EVC: variants seen among roughly 807,000 people sequenced by gnomAD.
EVC encodes the protein EvC ciliary complex subunit 1, also known as evC complex member EVC.
A neutral mutation model predicts 118.9 loss-of-function variants in EVC; 116 were observed. The observed-to-expected ratio is 0.98, with a 90% CI of 0.84 to 1.14. The LOEUF is 1.14. EVC is among the 50% of genes most tolerant of loss of function. The probability of loss-of-function intolerance (pLI) is 0.00; values close to 1 mark genes in which losing one functional copy is unlikely to be tolerated. For synonymous variants in EVC, 619 were observed against 534.7 expected (o/e 1.16, Z -2.18); for missense variants, 1,401 against 1,246.4 (o/e 1.12, Z -1.87).
chr4:5,778,577 C>A (rs1735082226), intron 11 of EVC, among the ~76,000 whole-genome samples: 1 of 152,172 alleles, frequency 6.6e-6, no homozygotes, highest in Admixed American at 6.5e-5. Context: ...ATTTGCATTT[C>A]TCTGATGGCC....
rs1030815803 is a variant in EVC at position 5,801,734 on chromosome 4, A to T, written c.2305-216A>T. 2.2e-5 allele frequency: 12 copies of T among 548,174 alleles called. No homozygotes were observed. The African/African-American group carries it at 2.3e-4, about 10-fold the overall frequency. 34.0% of individuals were successfully genotyped at this position (548,174 alleles called of 1,614,324 possible). A position where few individuals can be genotyped will look rare whatever the true frequency, so the allele number is the denominator to read the frequency against. On this transcript the variant is annotated intron_variant, in intron 15 of 20. Transcript: ENST00000264956. ...CTTAGCCGACTTTCCCTAACATCGC[A>T]TTTCATTGGCTCTAGACATCCCTGA...
intron 5 of EVC, among the ~76,000 whole-genome samples, chr4:5,734,827 T>C (rs1262686018): frequency 6.6e-6 from 1 of 152,148 alleles, no homozygotes; most frequent in Non-Finnish European, 1.5e-5. Flanking sequence ...CCCAGCCCCA[T>C]GGAGGTCCCT....
At chr4:5,767,739 A>T (rs200940233) in intron 11 of EVC, among the ~76,000 whole-genome samples, 2 of 151,996 alleles carry the variant, frequency 1.3e-5, no homozygotes, top group African/African-American at 4.8e-5. Flanking sequence ...AAGTGAGGCA[A>T]TGCCTCGCCC....
intron 13 of EVC, among the ~76,000 whole-genome samples, chr4:5,794,299 TTATATTTTTATATATTTATA>T (rs1239348151): frequency 2.9e-4 from 36 of 123,462 alleles, no homozygotes; most frequent in African/African-American, 1.2e-3. Flanking sequence ...TTTTATATAT[TTATATTTTTATATATTTATA>T]TATATTTATA....
chr4:5,787,165 A>T (rs1711817597), intron 12 of EVC, among the ~76,000 whole-genome samples: 1 of 152,216 alleles, frequency 6.6e-6, no homozygotes, highest in South Asian at 2.1e-4. Context: ...AGGTTGTAGA[A>T]TGGTGTTTCT....
chr4:5,797,478 T>C, intron 14 of EVC: 4 of 581,962 alleles, frequency 6.9e-6, no homozygotes, highest in Non-Finnish European at 1.2e-5. Flanking sequence ...GCCGCTTTGA[T>C]TCTGAGACCG....
At chr4:5,729,197 C>G (rs1348417099) in intron 2 of EVC, 110 bp from the exon 3 acceptor site, 4 of 954,350 alleles carry the variant, frequency 4.2e-6, no homozygotes, top group Non-Finnish European at 6.9e-6. Context: ...TATCATGGTC[C>G]CTTTCTGAGG....
chr4:5,727,894 A>G (rs377740397), intron 2 of EVC, among the ~76,000 whole-genome samples: 7 of 145,618 alleles, frequency 4.8e-5, no homozygotes, highest in African/African-American at 7.7e-5. Context: ...GATATGCGGC[A>G]TTATTTCTGA....
In EVC at chr4:5,812,410, G is replaced by A. The variant is rs1717072566; in HGVS notation, c.*1373G>A. ...CAGCCAGGAGAGGCCTTTCCCGCCT[G>A]GAGAGAAGCTTCAGGCCAGCTCCTC... is the stretch of plus-strand genomic sequence containing the variant. On this transcript the variant is annotated 3_prime_UTR_variant, in exon 21 of 21. Coordinates refer to ENST00000264956, the MANE Select transcript of EVC (RefSeq NM_153717.3). 1.2e-5 allele frequency: 2 copies of A among 172,032 alleles called. No homozygotes were observed. The highest frequency in any genetic ancestry group is 2.4e-5 in the African/African-American group (1 of 41,372). 10.7% of individuals were successfully genotyped at this position (172,032 alleles called of 1,614,324 possible).
At chr4:5,741,616 A>G (rs1229980214) in intron 5 of EVC, 100 bp from the exon 6 acceptor site, 22 of 687,664 alleles carry the variant, frequency 3.2e-5, no homozygotes, top group Non-Finnish European at 5.0e-5. Flanking sequence ...AGAAGGAGAG[A>G]GGCAGTGGGG....
rs1419409982 is a variant in EVC, at chr4:5,789,280, G to A, written c.1777-4328G>A. 6.6e-6 allele frequency among the ~76,000 whole-genome samples: 1 copy of A among 152,100 alleles called. No homozygotes were observed. The highest frequency in any genetic ancestry group is 6.5e-5 in the Admixed American group (1 of 15,268). On this transcript the variant is annotated intron_variant, in intron 12 of 20. Transcript: ENST00000264956. The surrounding 1 kb of genome is among the most constrained non-coding windows in gnomAD (Gnocchi z 4.3). ...GCAAAGCCCACCATGTCAGGCCCTG[G>A]CTGCCCTCTGACCGCAACTGCATGC...
At chr4:5,826,008 C>T in the EVC span, 439 of 318,172 alleles carry the variant, frequency 1.4e-3, 3 homozygotes, top group Non-Finnish European at 2.1e-3. Context: ...CGCGTGAACA[C>T]GCACACACAC....
rs369210755 is a variant in EVC, at chr4:5,730,157, A to G, written c.384+767A>G. Among the ~76,000 whole-genome samples, 7 of 152,070 alleles carry G rather than the reference A, an allele frequency of 4.6e-5. No individual in the cohort carries two copies. In the South Asian group the frequency reaches 6.2e-4, roughly 14 times the overall value. On this transcript the variant is annotated intron_variant, in intron 3 of 20. Transcript: ENST00000264956. The stretch of plus-strand genomic sequence containing the variant: ...CTGCCTCAGTCTGTTTATCTGTCAA[A>G]TGGGGATGATGGTGCTCCTGCCTCG...
intron 11 of EVC, among the ~76,000 whole-genome samples, chr4:5,781,013 C>A (rs573648770): frequency 6.6e-6 from 1 of 152,240 alleles, no homozygotes; most frequent in Non-Finnish European, 1.5e-5. Flanking sequence ...GCTTAGAGTC[C>A]AGGGATTCTG....
Position 5,798,939 on chromosome 4 carries a change from T to C in EVC, c.2304+147T>C. 1.1e-6 allele frequency: 1 copy of C among 901,216 alleles called. No homozygotes were observed. The highest frequency in any genetic ancestry group is 1.8e-6 in the Non-Finnish European group (1 of 556,530). 55.8% of individuals were successfully genotyped at this position (901,216 alleles called of 1,614,324 possible). The stretch of plus-strand genomic sequence containing the variant: ...ACTTCTCCATGACTTGATTTTCTCA[T>C]CTGTAAGGTGGGATCTTCTCCCTCG... On this transcript the variant is annotated intron_variant, in intron 15 of 20. Transcript: ENST00000264956. The surrounding 1 kb of genome is among the most constrained non-coding windows in gnomAD (Gnocchi z 4.1).
intron 12 of EVC, among the ~76,000 whole-genome samples, chr4:5,786,643 A>G (rs6815933): frequency 0.17 from 25,156 of 152,106 alleles, 2,204 homozygotes; most frequent in South Asian, 0.29. Flanking sequence ...GGAGGCCAAG[A>G]CGGGCGGATC....
Position 5,810,465 on chromosome 4 carries a change from C to T in EVC, c.2894+15C>T, listed in dbSNP as rs529282964. ...GGCTCACTCAGGTATGACTGGGCCCCGGACCTGTTGCCTGTGGCTGGGTTT... is the reference window on the plus strand; with the variant it reads ...GGCTCACTCAGGTATGACTGGGCCCTGGACCTGTTGCCTGTGGCTGGGTTT... On this transcript the variant is annotated intron_variant, in intron 20 of 20. Coordinates refer to ENST00000264956, the MANE Select transcript of EVC (RefSeq NM_153717.3). 3.0e-5 allele frequency: 48 copies of T among 1,594,080 alleles called. No individual in the cohort carries two copies. Among genetic ancestry groups the T allele is most frequent in the East Asian group, 2.3e-4 (10 of 44,390 alleles).
the EVC span, among the ~76,000 whole-genome samples, chr4:5,824,106 A>G: frequency 6.6e-6 from 1 of 152,166 alleles, no homozygotes. Flanking sequence ...TTCTTGTTCT[A>G]AGAACAACGG....
intron 11 of EVC, among the ~76,000 whole-genome samples, chr4:5,772,259 A>G (rs1196950762): frequency 1.3e-5 from 2 of 152,058 alleles, no homozygotes; most frequent in Non-Finnish European, 2.9e-5. Flanking sequence ...CAGAAGTACA[A>G]CTCACAGTGC....
Sources: allele counts gnomAD v4.1 joint callset (sites outside exome capture counted in the v4.1 genomes callset), GRCh38; gene constraint gnomAD v4.1.1; non-coding constraint Gnocchi (gnomAD v3.1); transcripts MANE v1.5; gene names NCBI Gene and HGNC (gene_info 2026-07-23, HGNC 2026-07-21).